The following NEDD4 variants were observed in gnomAD, a reference collection of about 807,000 sequenced individuals.
NEDD4 encodes the protein E3 ubiquitin-protein ligase NEDD4.
In NEDD4, 99 loss-of-function variants were observed where a neutral mutation model predicts 144.9. The ratio of observed to expected loss-of-function variants is 0.68; its 90% CI spans 0.58 to 0.81. NEDD4 has a LOEUF of 0.81. Among genes scored for constraint, NEDD4 ranks in the 30% least tolerant of loss-of-function variants. The pLI is 0.00. For synonymous variants in NEDD4, 318 were observed against 350.6 expected, an observed-to-expected ratio of 0.91 and a Z score of 1.04; for missense variants, 985 against 1,065.9, an observed-to-expected ratio of 0.92 and a Z score of 1.06.
Position 55,850,735 on chromosome 15 carries a change from A to T in NEDD4, c.1154T>A (p.Val385Glu). ...GCTTGAGGTCAGCTGACTGGTCTCCACTGTGGCCTAGCACATTAATGAAAT... is the reference window on the plus strand; with the variant it reads ...GCTTGAGGTCAGCTGACTGGTCTCCTCTGTGGCCTAGCACATTAATGAAAT... ...TWTKPTVQAT[V>E]ETSQLTSSQS... The change falls in exon 14 of 29, where the codon GTG (valine) becomes GAG (glutamate). Residue 385 changes from valine to glutamate, a missense_variant. Physicochemically the swap from Val to Glu is moderately radical, Grantham distance 121. Transcript: ENST00000435532. The T allele has an allele frequency of 6.2e-7, 1 of 1,613,252 alleles. No individual in the cohort carries two copies. The highest frequency in any genetic ancestry group is 1.1e-5 in the South Asian group (1 of 91,052).
chr15:55,884,143 G>A (rs550256832), intron 5 of NEDD4, among the ~76,000 whole-genome samples: 4 of 152,206 alleles, frequency 2.6e-5, no homozygotes, highest in Non-Finnish European at 5.9e-5. Context: ...GCCTCCCAAA[G>A]TGCTGGGATT....
chr15:55,949,529 T>G (rs2142296553), intron 4 of NEDD4, among the ~76,000 whole-genome samples: 1 of 152,236 alleles, frequency 6.6e-6, no homozygotes. Context: ...CTATTCACAA[T>G]AGCAAAGACT....
At chr15:55,956,866 G>A (rs539228827) in intron 2 of NEDD4, among the ~76,000 whole-genome samples, 1 of 152,246 alleles carries the variant, frequency 6.6e-6, no homozygotes, top group Middle Eastern at 3.4e-3. Flanking sequence ...TATTGGGATT[G>A]TGCCAAATCT....
intron 12 of NEDD4, among the ~76,000 whole-genome samples, chr15:55,855,802 G>C (rs2034170101): frequency 6.6e-6 from 1 of 152,220 alleles, no homozygotes; most frequent in Non-Finnish European, 1.5e-5. Context: ...GATGCCATGT[G>C]CATGTGCAGA....
chr15:55,875,181 G>A (rs1312163276), intron 5 of NEDD4, among the ~76,000 whole-genome samples: 2 of 150,954 alleles, frequency 1.3e-5, no homozygotes, highest in Admixed American at 6.6e-5. Flanking sequence ...AAGCAGACAA[G>A]GAAAATAAAG....
intron 4 of NEDD4, among the ~76,000 whole-genome samples, chr15:55,938,972 T>C (rs1466766078): frequency 2.0e-5 from 3 of 152,062 alleles, no homozygotes; most frequent in Admixed American, 6.6e-5. Context: ...TGGTGCGTGA[T>C]GGTGTGCACC....
intron 5 of NEDD4, among the ~76,000 whole-genome samples, chr15:55,907,382 C>A (rs887618073): frequency 1.3e-5 from 2 of 152,200 alleles, no homozygotes; most frequent in Admixed American, 1.3e-4. Flanking sequence ...TATGGGCAAT[C>A]ACATATCTCA....
At chr15:55,950,414 C>CA (rs2037216883) in intron 4 of NEDD4, among the ~76,000 whole-genome samples, 1 of 152,118 alleles carries the variant, frequency 6.6e-6, no homozygotes, top group Non-Finnish European at 1.5e-5. Flanking sequence ...AGAAGACAAA[C>CA]AAAAAATCTT....
At chr15:55,949,617 AG>A (rs1404760111) in intron 4 of NEDD4, among the ~76,000 whole-genome samples, 2 of 152,242 alleles carry the variant, frequency 1.3e-5, no homozygotes, top group Non-Finnish European at 2.9e-5. Context: ...AATACTATGC[AG>A]CCATACAAAA....
At chr15:55,922,577 G>A (rs1193314568) in intron 5 of NEDD4, among the ~76,000 whole-genome samples, 1 of 152,124 alleles carries the variant, frequency 6.6e-6, no homozygotes, top group Non-Finnish European at 1.5e-5. Flanking sequence ...TGGCCAGCCT[G>A]GTCTTGAACT....
chr15:55,890,658 G>A (rs1184472167), intron 5 of NEDD4, among the ~76,000 whole-genome samples: 3 of 152,072 alleles, frequency 2.0e-5, no homozygotes, highest in African/African-American at 4.8e-5. Context: ...AAAAGCTTTT[G>A]TACGAACATA....
chr15:55,893,429 A>G (rs769355502), intron 5 of NEDD4, among the ~76,000 whole-genome samples: 2 of 152,090 alleles, frequency 1.3e-5, no homozygotes, highest in Non-Finnish European at 2.9e-5. Context: ...GAAATACTTC[A>G]GAGATCACAA....
At chr15:55,986,580 C>CTTT (rs58470215) in intron 1 of NEDD4, among the ~76,000 whole-genome samples, 1,648 of 76,452 alleles carry the variant, frequency 0.022, 1 homozygote, top group Non-Finnish European at 0.026. Context: ...CCTGTCCTTG[C>CTTT]TTTTTTTTTT....
In NEDD4 at chr15:55,872,392, A is replaced by C. The variant is rs975038937; in HGVS notation, c.404+23T>G. 2.5e-6 allele frequency: 3 copies of C among 1,190,372 alleles called. No homozygotes were observed. The African/African-American group carries it at 4.7e-5, about 19-fold the overall frequency. The allele number at this position is 1,190,372 out of a possible 1,614,324, so 73.7% of individuals were successfully genotyped here. A position where few individuals can be genotyped will look rare whatever the true frequency, so the allele number is the denominator to read the frequency against. Reference sequence around the variant, plus strand: ...GAAGAGATAAAAAATTTAATATGCTATTATTATTTTATATTTACTGACCTT... The same window carrying C: ...GAAGAGATAAAAAATTTAATATGCTCTTATTATTTTATATTTACTGACCTT... On this transcript the variant is annotated intron_variant, in intron 7 of 28. Coordinates refer to ENST00000435532, the MANE Select transcript of NEDD4 (RefSeq NM_006154.4).
At chr15:55,989,959 TAG>T (rs2037962685) in intron 1 of NEDD4, among the ~76,000 whole-genome samples, 1 of 152,028 alleles carries the variant, frequency 6.6e-6, no homozygotes, top group African/African-American at 2.4e-5. Flanking sequence ...GCAGCGGCAT[TAG>T]ATTCTCATAA....
At chr15:55,878,137 A>G (rs1425585542) in intron 5 of NEDD4, among the ~76,000 whole-genome samples, 6 of 152,176 alleles carry the variant, frequency 3.9e-5, no homozygotes, top group African/African-American at 1.4e-4. Flanking sequence ...TCAAATATAC[A>G]GATAAATTGA....
chr15:55,944,303 T>C (rs1359706453), intron 4 of NEDD4, among the ~76,000 whole-genome samples: 1 of 152,208 alleles, frequency 6.6e-6, no homozygotes, highest in Non-Finnish European at 1.5e-5. Context: ...GCTTTTCCCA[T>C]GGTCTTATCA....
At chr15:55,835,977 G>A (rs1248356712) in intron 24 of NEDD4, among the ~76,000 whole-genome samples, 4 of 152,096 alleles carry the variant, frequency 2.6e-5, no homozygotes, top group Non-Finnish European at 4.4e-5. Flanking sequence ...TGTATAAGCT[G>A]GTCTGTTAGC....
chr15:55,968,808 AC>A (rs1169517173), intron 1 of NEDD4, among the ~76,000 whole-genome samples: 1 of 152,210 alleles, frequency 6.6e-6, no homozygotes, highest in Non-Finnish European at 1.5e-5. Flanking sequence ...GTACACAAGG[AC>A]TTAAGTACAA....
Sources: allele counts gnomAD v4.1 joint callset (sites outside exome capture counted in the v4.1 genomes callset), GRCh38; gene constraint gnomAD v4.1.1; transcripts MANE v1.5; gene names NCBI Gene and HGNC (gene_info 2026-07-23, HGNC 2026-07-21).